SLC14A2: variants seen among roughly 807,000 people sequenced by gnomAD.
SLC14A2 encodes the protein solute carrier family 14 member 2, also known as urea transporter 2.
SLC14A2 carries 91 observed loss-of-function variants against 104.6 expected under a neutral mutation model. That is an observed-to-expected ratio of 0.87 (90% CI 0.73 to 1.04). The LOEUF (loss-of-function observed/expected upper bound fraction) is 1.04, where lower values mean the gene tolerates loss of function less well. SLC14A2 is among the 50% of genes least tolerant of loss of function. SLC14A2 has a pLI of 0.00. For synonymous variants in SLC14A2, 476 were observed against 466.4 expected (o/e 1.02, Z -0.27); for missense variants, 1,189 against 1,156.0 (o/e 1.03, Z -0.41).
intron 2 of SLC14A2, among the ~76,000 whole-genome samples, chr18:45,539,287 C>T (rs796145076): frequency 1.5e-4 from 23 of 151,948 alleles, no homozygotes; most frequent in African/African-American, 5.1e-4. Flanking sequence ...GGAAGATGAA[C>T]ACCAAGATCT....
chr18:45,609,502 C>T (rs1435923901), intron 2 of SLC14A2, among the ~76,000 whole-genome samples: 1 of 152,160 alleles, frequency 6.6e-6, no homozygotes, highest in Non-Finnish European at 1.5e-5. Flanking sequence ...TCCATTAAGG[C>T]ATCCACCACC....
intron 1 of SLC14A2, among the ~76,000 whole-genome samples, chr18:45,248,392 C>CA (rs1212852972): frequency 6.6e-6 from 1 of 152,126 alleles, no homozygotes; most frequent in South Asian, 2.1e-4. Context: ...TGCATGCAGA[C>CA]AGTTCCTGAT....
intron 19 of SLC14A2, among the ~76,000 whole-genome samples, chr18:45,681,909 C>G (rs556605017): frequency 2.6e-5 from 4 of 152,352 alleles, no homozygotes; most frequent in African/African-American, 9.6e-5. Flanking sequence ...CAGAAAACAT[C>G]TTGAGCTACC....
At chr18:45,414,757 A>AAAATATATATATATATAT (rs1360051908) in intron 1 of SLC14A2, among the ~76,000 whole-genome samples, 6 of 76,106 alleles carry the variant, frequency 7.9e-5, no homozygotes, top group Non-Finnish European at 1.1e-4. Context: ...AAAAAAAAAA[A>AAAATATATATATATATAT]ATATATATAT....
chr18:45,617,346 C>T (rs550899907), intron 1 of SLC14A2, among the ~76,000 whole-genome samples: 143 of 152,214 alleles, frequency 9.4e-4, no homozygotes, highest in Admixed American at 1.5e-3. Context: ...AGATAAAGCC[C>T]CTGGCCCACT....
At chr18:45,548,304 GGAA>G (rs1480856231) in intron 2 of SLC14A2, among the ~76,000 whole-genome samples, 4 of 152,302 alleles carry the variant, frequency 2.6e-5, no homozygotes, top group South Asian at 2.1e-4. Context: ...CATTAGCACA[GGAA>G]GAAGACTTCC....
intron 1 of SLC14A2, among the ~76,000 whole-genome samples, chr18:45,459,994 A>C (rs2087014615): frequency 6.6e-6 from 1 of 152,190 alleles, no homozygotes; most frequent in Non-Finnish European, 1.5e-5. Flanking sequence ...ATGTTGCCCC[A>C]TCCAGGTCCA....
intron 1 of SLC14A2, among the ~76,000 whole-genome samples, chr18:45,616,450 G>A (rs2045073742): frequency 1.3e-5 from 2 of 152,184 alleles, no homozygotes; most frequent in Admixed American, 6.5e-5. Context: ...CTGGCTCAGA[G>A]TTTCATGCCC....
At chr18:45,678,070 C>T (rs1213933260) in intron 18 of SLC14A2, among the ~76,000 whole-genome samples, 1 of 152,174 alleles carries the variant, frequency 6.6e-6, no homozygotes, top group Admixed American at 6.5e-5. Context: ...CCTCCCATCT[C>T]AGCCTCCCAA....
At chr18:45,266,539 C>G (rs928448863) in intron 1 of SLC14A2, among the ~76,000 whole-genome samples, 8 of 151,970 alleles carry the variant, frequency 5.3e-5, no homozygotes, top group Admixed American at 5.2e-4. Context: ...TTAGCCAAGG[C>G]TTTATTTTCA....
intron 2 of SLC14A2, among the ~76,000 whole-genome samples, chr18:45,606,639 C>T (rs1281672505): frequency 6.0e-5 from 9 of 151,204 alleles, no homozygotes; most frequent in Admixed American, 5.9e-4. Context: ...ACCTTACTTT[C>T]ATCAGAAAAT....
intron 1 of SLC14A2, among the ~76,000 whole-genome samples, chr18:45,369,517 T>C (rs182835111): frequency 5.3e-5 from 8 of 152,260 alleles, no homozygotes; most frequent in Admixed American, 4.6e-4. Context: ...TATGGTTGGG[T>C]TGACTGAAGA....
intron 1 of SLC14A2, among the ~76,000 whole-genome samples, chr18:45,616,811 A>G (rs1749521133): frequency 6.6e-6 from 1 of 152,176 alleles, no homozygotes; most frequent in South Asian, 2.1e-4. Flanking sequence ...GAAGTGTCAC[A>G]TAAGGACCGG....
chr18:45,439,480 G>A (rs1161115323), intron 1 of SLC14A2, among the ~76,000 whole-genome samples: 1 of 151,926 alleles, frequency 6.6e-6, no homozygotes, highest in East Asian at 1.9e-4. Flanking sequence ...AACTGTCAAT[G>A]AACAGCTATT....
intron 2 of SLC14A2, among the ~76,000 whole-genome samples, chr18:45,519,619 G>A (rs533576303): frequency 6.6e-6 from 1 of 152,212 alleles, no homozygotes; most frequent in Admixed American, 6.5e-5. Flanking sequence ...ATTGGAAAAA[G>A]GGGGCAGAGT....
At chr18:45,320,736 C>T (rs1465546357) in intron 1 of SLC14A2, among the ~76,000 whole-genome samples, 2 of 152,242 alleles carry the variant, frequency 1.3e-5, no homozygotes, top group East Asian at 3.9e-4. Context: ...GAAAAGACAG[C>T]TATTTTATTA....
chr18:45,392,175 G>T (rs753151636), intron 1 of SLC14A2, among the ~76,000 whole-genome samples: 20 of 152,192 alleles, frequency 1.3e-4, no homozygotes, highest in Non-Finnish European at 2.8e-4. Context: ...TGGGCAAAGT[G>T]AAAGACACTC....
chr18:45,300,234 G>A (rs2084955080), intron 1 of SLC14A2, among the ~76,000 whole-genome samples: 1 of 152,152 alleles, frequency 6.6e-6, no homozygotes, highest in Non-Finnish European at 1.5e-5. Context: ...AGGCTCCTAT[G>A]TGTTGTATGT....
chr18:45,485,624 A>G (rs908948458), intron 2 of SLC14A2, among the ~76,000 whole-genome samples: 2 of 151,610 alleles, frequency 1.3e-5, no homozygotes, highest in Admixed American at 1.3e-4. Flanking sequence ...AGCATCACAA[A>G]CCCTAGTAGG....
Sources: allele counts gnomAD v4.1 joint callset (sites outside exome capture counted in the v4.1 genomes callset), GRCh38; gene constraint gnomAD v4.1.1; transcripts MANE v1.5; gene names NCBI Gene and HGNC (gene_info 2026-07-23, HGNC 2026-07-21).